SEMA5A: variants seen among roughly 807,000 people sequenced by gnomAD.
SEMA5A encodes semaphorin-5A.
A neutral mutation model predicts 135.5 loss-of-function variants in SEMA5A; 55 were observed. The ratio of observed to expected loss-of-function variants is 0.41; its 90% CI spans 0.33 to 0.51. The LOEUF (loss-of-function observed/expected upper bound fraction) is 0.51, where lower values mean the gene tolerates loss of function less well. Among genes scored for constraint, SEMA5A ranks in the 20% least tolerant of loss-of-function variants. The pLI, the probability that SEMA5A is intolerant of heterozygous loss-of-function variation, is 0.37. For synonymous variants in SEMA5A, 580 were observed against 546.5 expected (o/e 1.06, Z -0.85); for missense variants, 1,290 against 1,419.9 (o/e 0.91, Z 1.47).
At chr5:9,126,326 AC>A (rs779172164) in intron 13 of SEMA5A, among the ~76,000 whole-genome samples, 5 of 152,156 alleles carry the variant, frequency 3.3e-5, no homozygotes, top group Admixed American at 6.5e-5. Context: ...GCCTCTCATT[AC>A]CTGAGCCCAA....
intron 11 of SEMA5A, among the ~76,000 whole-genome samples, chr5:9,174,366 C>A (rs1034970347): frequency 6.6e-6 from 1 of 152,186 alleles, no homozygotes; most frequent in Admixed American, 6.5e-5. Context: ...TGTGAAATAT[C>A]TTCCTTCTGT....
chr5:9,143,385 T>TA (rs56359658), intron 12 of SEMA5A, among the ~76,000 whole-genome samples: 138,224 of 152,186 alleles, frequency 0.91, 63,287 homozygotes, highest in Non-Finnish European at 0.97. Flanking sequence ...TTTCATGTAT[T>TA]AAAACTACTC....
rs1434878285 is a variant in SEMA5A, at chr5:9,387,763, T to TA, written c.-77-7741dup. Among the ~76,000 whole-genome samples the TA allele has an allele frequency of 4.6e-5, 7 of 152,374 alleles. No homozygotes were observed. The East Asian group carries it at 7.7e-4, about 17-fold the overall frequency. On this transcript the variant is annotated intron_variant, in intron 2 of 22. Coordinates refer to ENST00000382496, the MANE Select transcript of SEMA5A (RefSeq NM_003966.3). Reference sequence around the variant, plus strand: ...CAATGTTCAAGTAAACAGATTCTTCTAATCTTTTTCAAAAACGATAACTGA... The same window carrying TA: ...CAATGTTCAAGTAAACAGATTCTTCTAAATCTTTTTCAAAAACGATAACTGA...
At position 9,037,515 on chromosome 5, in the gene SEMA5A, T is replaced by C. The variant is rs1561085552; in HGVS notation, c.*5382A>G. Reference sequence around the variant, plus strand: ...TAATGCAACAGATGACCACTGAGTATATCTTTGATCTATCTGCTAAAACAA... The same window carrying C: ...TAATGCAACAGATGACCACTGAGTACATCTTTGATCTATCTGCTAAAACAA... On this transcript the variant is annotated 3_prime_UTR_variant, in exon 23 of 23. Transcript: ENST00000382496. 1.3e-5 allele frequency: 2 copies of C among 152,248 alleles called. No individual in the cohort carries two copies. Among genetic ancestry groups the C allele is most frequent in the African/African-American group, 4.8e-5 (2 of 41,474 alleles). 9.4% of individuals were successfully genotyped at this position (152,248 alleles called of 1,614,324 possible).
At chr5:9,228,452 C>T (rs552426094) in intron 6 of SEMA5A, among the ~76,000 whole-genome samples, 38 of 152,268 alleles carry the variant, frequency 2.5e-4, no homozygotes, top group Middle Eastern at 3.4e-3. Context: ...ACATAGAAGC[C>T]GAGGAGCCTG....
chr5:9,208,130 C>T (rs1178018454), intron 8 of SEMA5A, among the ~76,000 whole-genome samples: 1 of 152,154 alleles, frequency 6.6e-6, no homozygotes, highest in Non-Finnish European at 1.5e-5. Context: ...GAATCAAACG[C>T]ACTTTGCTGG....
chr5:9,497,505 T>C (rs1490077822), intron 1 of SEMA5A, among the ~76,000 whole-genome samples: 1 of 152,194 alleles, frequency 6.6e-6, no homozygotes, highest in Non-Finnish European at 1.5e-5. Context: ...CCTCACAATA[T>C]GTGAGACTTG....
intron 12 of SEMA5A, among the ~76,000 whole-genome samples, chr5:9,146,127 C>T (rs1167877702): frequency 6.6e-6 from 1 of 152,142 alleles, no homozygotes; most frequent in African/African-American, 2.4e-5. Context: ...CTTACCCACC[C>T]TGCCCAGGGT....
intron 2 of SEMA5A, among the ~76,000 whole-genome samples, chr5:9,397,920 A>T (rs1019530905): frequency 2.6e-5 from 4 of 152,136 alleles, no homozygotes; most frequent in Non-Finnish European, 5.9e-5. Flanking sequence ...TCAAATCACC[A>T]TCCAAACAGC....
At chr5:9,072,843 G>A (rs7708660) in intron 16 of SEMA5A, among the ~76,000 whole-genome samples, 102,781 of 152,060 alleles carry the variant, frequency 0.68, 36,421 homozygotes, top group East Asian at 0.93. Flanking sequence ...TAAAATTACC[G>A]GATATGGAAA....
intron 8 of SEMA5A, among the ~76,000 whole-genome samples, chr5:9,207,161 G>A (rs1480807551): frequency 5.1e-5 from 7 of 137,218 alleles, no homozygotes; most frequent in African/African-American, 1.9e-4. Context: ...AGAATTTTAG[G>A]AGCATAAATA....
intron 6 of SEMA5A, among the ~76,000 whole-genome samples, chr5:9,237,064 T>C (rs964338037): frequency 2.6e-5 from 4 of 152,236 alleles, no homozygotes; most frequent in African/African-American, 7.2e-5. Flanking sequence ...ACTCTGTGTA[T>C]AACTGCTGTC....
At chr5:9,377,149 C>G (rs1400525385) in intron 3 of SEMA5A, among the ~76,000 whole-genome samples, 1 of 150,864 alleles carries the variant, frequency 6.6e-6, no homozygotes, top group African/African-American at 2.4e-5. Flanking sequence ...CTACACTCTT[C>G]TAGAGAGTAG....
rs948617748 is a variant in SEMA5A, at chr5:9,042,674, C to G, written c.*223G>C. The G allele has an allele frequency of 5.8e-6, 3 of 519,052 alleles. No homozygotes were observed. Among genetic ancestry groups the G allele is most frequent in the Admixed American group, 7.5e-5 (2 of 26,834 alleles). The allele number at this position is 519,052 out of a possible 1,614,324, so 32.2% of individuals were successfully genotyped here. A position where few individuals can be genotyped will look rare whatever the true frequency, so the allele number is the denominator to read the frequency against. ...GATGAACACAATTAAAAACTTCACACCCTGGCTCATTCAACAATGGTCAAG... is the reference window on the plus strand; with the variant it reads ...GATGAACACAATTAAAAACTTCACAGCCTGGCTCATTCAACAATGGTCAAG... On this transcript the variant is annotated 3_prime_UTR_variant, in exon 23 of 23. Transcript: ENST00000382496.
chr5:9,484,416 G>A (rs1759998612), intron 1 of SEMA5A, among the ~76,000 whole-genome samples: 1 of 152,094 alleles, frequency 6.6e-6, no homozygotes, highest in Non-Finnish European at 1.5e-5. Flanking sequence ...GAGGCTGTAG[G>A]CAAATCGCTG....
At chr5:9,170,927 C>T (rs949561599) in intron 11 of SEMA5A, among the ~76,000 whole-genome samples, 5 of 152,094 alleles carry the variant, frequency 3.3e-5, no homozygotes, top group Admixed American at 6.5e-5. Context: ...ATGAAGCCTA[C>T]ACTCTCCTCC....
intron 1 of SEMA5A, among the ~76,000 whole-genome samples, chr5:9,439,248 G>A (rs1236481924): frequency 6.6e-6 from 1 of 152,206 alleles, no homozygotes; most frequent in Non-Finnish European, 1.5e-5. Context: ...ATATTCCTCA[G>A]AGTGGCCAAT....
intron 1 of SEMA5A, among the ~76,000 whole-genome samples, chr5:9,536,887 A>G (rs1737798390): frequency 6.6e-6 from 1 of 152,228 alleles, no homozygotes; most frequent in African/African-American, 2.4e-5. Flanking sequence ...GAACAGTGAC[A>G]GGAGGACAGG....
intron 1 of SEMA5A, among the ~76,000 whole-genome samples, chr5:9,456,963 T>A (rs1758861373): frequency 6.6e-6 from 1 of 152,194 alleles, no homozygotes. Flanking sequence ...CCAGGAATAC[T>A]TTCTCCATCA....
Sources: gnomAD v4.1 joint callset for allele counts (sites outside exome capture counted in the v4.1 genomes callset) on GRCh38, gnomAD v4.1.1 for gene constraint, MANE v1.5 for transcripts, NCBI Gene and HGNC (gene_info 2026-07-23, HGNC 2026-07-21) for gene names.